The following FHIT variants were observed in gnomAD, a reference collection of about 807,000 sequenced individuals.
FHIT encodes the protein fragile histidine triad diadenosine triphosphatase.
A neutral mutation model predicts 17.9 loss-of-function variants in FHIT; 19 were observed. That is an observed-to-expected ratio of 1.06 (90% confidence interval 0.74 to 1.56). The LOEUF is 1.56. Ranked by LOEUF, FHIT falls within the 40% of genes most tolerant of loss-of-function variation. FHIT has a pLI of 0.00. For missense variants in FHIT, 248 were observed against 189.2 expected (o/e 1.31, Z -1.82); for synonymous variants, 81 against 69.7 (o/e 1.16, Z -0.81).
intron 5 of FHIT, among the ~76,000 whole-genome samples, chr3:60,406,034 AG>A (rs1701844033): frequency 1.3e-5 from 2 of 152,212 alleles, no homozygotes; most frequent in South Asian, 4.1e-4. Flanking sequence ...AATTATTATT[AG>A]ATATTTGTAG....
chr3:60,519,096 C>T (rs988569832), intron 5 of FHIT, among the ~76,000 whole-genome samples: 2 of 151,940 alleles, frequency 1.3e-5, no homozygotes, highest in African/African-American at 4.8e-5. Flanking sequence ...TTCTCTTTTT[C>T]AAGAGAAACA....
At chr3:61,035,247 G>A (rs999818299) in intron 3 of FHIT, among the ~76,000 whole-genome samples, 8 of 152,166 alleles carry the variant, frequency 5.3e-5, no homozygotes, top group East Asian at 1.9e-4. Context: ...TGAGTTAAAC[G>A]CCACTGGATT....
intron 4 of FHIT, among the ~76,000 whole-genome samples, chr3:60,651,840 CTT>C (rs1559614840): frequency 6.6e-6 from 1 of 152,156 alleles, no homozygotes; most frequent in Non-Finnish European, 1.5e-5. Flanking sequence ...CAAACTCTGT[CTT>C]TAAAAATAGA....
At chr3:60,793,034 G>C (rs1332142347) in intron 4 of FHIT, among the ~76,000 whole-genome samples, 1 of 151,986 alleles carries the variant, frequency 6.6e-6, no homozygotes, top group African/African-American at 2.4e-5. Flanking sequence ...GCTGAAGTCA[G>C]GTTTTAAAAA....
rs372363428 is a variant in FHIT at position 60,591,922 on chromosome 3, C to T, written c.-17-54943G>A. Among the ~76,000 whole-genome samples the T allele has an allele frequency of 7.2e-5, 11 of 151,872 alleles. No individual in the cohort carries two copies. In the East Asian group the frequency reaches 1.2e-3, roughly 16 times the overall value. ...TCGGGGAGCATTTACCCCGACCATA[C>T]CAAAATGAATTAACAGGGATTAATT... On this transcript the variant is annotated intron_variant, in intron 4 of 9. Transcript: ENST00000492590.
intron 5 of FHIT, among the ~76,000 whole-genome samples, chr3:60,016,397 A>G (rs1018132024): frequency 1.3e-5 from 2 of 152,216 alleles, no homozygotes; most frequent in Admixed American, 1.3e-4. Context: ...GCGACTTCTT[A>G]GAGCAGATGA....
At chr3:61,122,981 G>T (rs1392643856) in intron 2 of FHIT, among the ~76,000 whole-genome samples, 2 of 152,134 alleles carry the variant, frequency 1.3e-5, no homozygotes, top group African/African-American at 4.8e-5. Context: ...AATACCATCT[G>T]ACCCAGCAAT....
At chr3:61,111,922 A>T (rs1038107372) in intron 2 of FHIT, among the ~76,000 whole-genome samples, 1 of 152,200 alleles carries the variant, frequency 6.6e-6, no homozygotes, top group Non-Finnish European at 1.5e-5. Flanking sequence ...AAATCAGTCA[A>T]CAGTTACTTA....
intron 2 of FHIT, among the ~76,000 whole-genome samples, chr3:61,083,447 G>A (rs1479617248): frequency 5.9e-5 from 9 of 152,130 alleles, no homozygotes; most frequent in South Asian, 2.1e-4. Context: ...AAAATTAGCC[G>A]GGCGAAGTGG....
chr3:60,297,569 T>C (rs1204170480), intron 5 of FHIT, among the ~76,000 whole-genome samples: 1 of 136,950 alleles, frequency 7.3e-6, no homozygotes, highest in African/African-American at 2.7e-5. Context: ...TACAAGGAAG[T>C]CACCTGCAAA....
At chr3:60,356,776 A>C (rs1383931238) in intron 5 of FHIT, among the ~76,000 whole-genome samples, 2 of 139,894 alleles carry the variant, frequency 1.4e-5, no homozygotes, top group Non-Finnish European at 3.0e-5. Context: ...AAAAAAAAAA[A>C]AAAACGGAAG....
At chr3:60,597,423 A>C (rs914466815) in intron 4 of FHIT, among the ~76,000 whole-genome samples, 3 of 152,128 alleles carry the variant, frequency 2.0e-5, no homozygotes, top group Non-Finnish European at 4.4e-5. Flanking sequence ...TTCTTCTTGC[A>C]CCTAGAAAGC....
At chr3:59,754,193 G>A (rs6803403) in intron 8 of FHIT, among the ~76,000 whole-genome samples, 36,530 of 151,976 alleles carry the variant, frequency 0.24, 5,091 homozygotes, top group South Asian at 0.43. Context: ...CCGCTGAGCT[G>A]TATTTCCACT....
At chr3:61,027,930 A>G (rs1236502352) in intron 3 of FHIT, among the ~76,000 whole-genome samples, 2 of 152,236 alleles carry the variant, frequency 1.3e-5, no homozygotes, top group African/African-American at 4.8e-5. Context: ...TAGGGCATGC[A>G]TGCACACACA....
At chr3:60,327,406 T>C (rs1056394145) in intron 5 of FHIT, among the ~76,000 whole-genome samples, 1 of 152,194 alleles carries the variant, frequency 6.6e-6, no homozygotes, top group African/African-American at 2.4e-5. Context: ...GTGCAGCTAC[T>C]TAGCTCTGAC....
At chr3:60,955,612 A>ATGTATATATATATATG (rs1559862309) in intron 3 of FHIT, among the ~76,000 whole-genome samples, 13 of 9,768 alleles carry the variant, frequency 1.3e-3, no homozygotes, top group South Asian at 0.019. Flanking sequence ...ATATATATAT[A>ATGTATATATATATATG]TATATATATA....
At chr3:60,138,188 C>T (rs138955978) in intron 5 of FHIT, among the ~76,000 whole-genome samples, 21 of 152,136 alleles carry the variant, frequency 1.4e-4, no homozygotes, top group East Asian at 7.7e-4. Context: ...CTTAACATGA[C>T]GCAAAGGAAG....
At chr3:59,836,742 G>C (rs1448715959) in intron 8 of FHIT, among the ~76,000 whole-genome samples, 2 of 152,120 alleles carry the variant, frequency 1.3e-5, no homozygotes, top group African/African-American at 4.8e-5. Flanking sequence ...CTACTAGGGA[G>C]AAAGAATGCC....
intron 3 of FHIT, among the ~76,000 whole-genome samples, chr3:60,955,608 A>ATATGTATATATATATATG (rs1709087674): frequency 2.1e-4 from 2 of 9,680 alleles, no homozygotes; most frequent in Non-Finnish European, 3.3e-4. Context: ...ATATATATAT[A>ATATGTATATATATATATG]TATATATATA....
Sources: gnomAD v4.1 joint callset for allele counts (sites outside exome capture counted in the v4.1 genomes callset) on GRCh38, gnomAD v4.1.1 for gene constraint, MANE v1.5 for transcripts, NCBI Gene and HGNC (gene_info 2026-07-23, HGNC 2026-07-21) for gene names.